Variants in KLF8 observed in about 807,000 individuals in gnomAD.
KLF8 encodes KLF transcription factor 8.
KLF8 carries 10 observed loss-of-function variants against 18.2 expected under a neutral mutation model. That is an observed-to-expected ratio of 0.55 (90% CI 0.34 to 0.93). KLF8 has a LOEUF of 0.93. Among genes scored for constraint, KLF8 ranks in the 40% least tolerant of loss-of-function variants. KLF8 has a pLI of 0.02. For synonymous variants in KLF8, 109 were observed against 97.3 expected (o/e 1.12, Z -0.71); for missense variants, 264 against 277.9 (o/e 0.95, Z 0.36).
At chrX:56,279,961 AT>A (rs769922056) in intron 5 of KLF8, among the ~76,000 whole-genome samples, 5 of 111,570 alleles carry the variant, frequency 4.5e-5, no homozygotes, top group Non-Finnish European at 9.4e-5. Context: ...CCCTCCAAAG[AT>A]TGTGATTCAT....
At chrX:56,147,964 T>A in the KLF8 span, among the ~76,000 whole-genome samples, 1 of 112,035 alleles carries the variant, frequency 8.9e-6, no homozygotes, top group Non-Finnish European at 1.9e-5. Context: ...GGCAACAGAG[T>A]GAGACTCTGT....
At position 56,263,587 on chromosome X, in the gene KLF8, TA is replaced by T. The variant is rs1429357078; in HGVS notation, c.82-1590del. Among the ~76,000 whole-genome samples, 14 of 111,434 alleles carry T rather than the reference TA, an allele frequency of 1.3e-4. 2 individuals carry two copies. In the South Asian group the frequency reaches 4.9e-3, roughly 39 times the overall value. On this transcript the variant is annotated intron_variant, in intron 2 of 5. Coordinates refer to ENST00000468660, the MANE Select transcript of KLF8 (RefSeq NM_007250.5). ...TGCAGCGCTCTGAGGGTTTTTAAAA[TA>T]AAGTCAGAGCAAGAAGACACTGCCT...
Position 56,286,598 on chromosome X carries a change from G to T in KLF8, c.*2104G>T, listed in dbSNP as rs2067270686. 1 of 112,566 alleles carries T rather than the reference G, an allele frequency of 8.9e-6. No homozygotes were observed. The highest frequency in any genetic ancestry group is 3.2e-5 in the African/African-American group (1 of 30,969). 9.3% of individuals were successfully genotyped at this position (112,566 alleles called of 1,213,427 possible). A position where few individuals can be genotyped will look rare whatever the true frequency, so the allele number is the denominator to read the frequency against. ...CAAGTAAAATGTACTTGTGGTCATT[G>T]CCGTATAACATTAGGCACACGCTTC... On this transcript the variant is annotated 3_prime_UTR_variant, in exon 6 of 6. Transcript: ENST00000468660.
the KLF8 span, among the ~76,000 whole-genome samples, chrX:56,079,879 A>G: frequency 1.9e-4 from 21 of 110,976 alleles, no homozygotes; most frequent in Admixed American, 2.9e-4. Context: ...TTCTTGTTGA[A>G]TTGATCTCTT....
the KLF8 span, among the ~76,000 whole-genome samples, chrX:56,042,259 C>G: frequency 1.9e-5 from 2 of 106,317 alleles, no homozygotes; most frequent in Admixed American, 9.6e-5. Flanking sequence ...GATTTCAGTT[C>G]TTTTGCATTT....
In KLF8 at chrX:56,236,848, T is replaced by TTGTGTG. The variant is rs3052510; in HGVS notation, c.7+3534_7+3539dup. 2.0e-3 allele frequency among the ~76,000 whole-genome samples: 189 copies of TTGTGTG among 95,075 alleles called. 2 individuals carry two copies. The Middle Eastern group carries it at 0.043, about 21-fold the overall frequency. The allele number at this position is 95,075 out of a possible 115,157, so 82.6% of individuals were successfully genotyped here. ...AGTGTATATCAAGCAATGAGTATGT[T>TTGTGTG]TGTGTGTGTGTGTGTGTGTGTGTGT... is the stretch of plus-strand genomic sequence containing the variant. On this transcript the variant is annotated intron_variant, in intron 1 of 5. Transcript: ENST00000468660.
At chrX:56,041,475 A>T in the KLF8 span, among the ~76,000 whole-genome samples, 16 of 93,910 alleles carry the variant, frequency 1.7e-4, no homozygotes, top group South Asian at 1.0e-3. Context: ...CAGTCTATCT[A>T]TTTTTTTTTT....
chrX:55,992,095 A>G, the KLF8 span, among the ~76,000 whole-genome samples: 1 of 112,350 alleles, frequency 8.9e-6, no homozygotes, highest in Non-Finnish European at 1.9e-5. Context: ...TTTGCAGAAG[A>G]TGTTTAATTA....
chrX:55,913,017 A>C, the KLF8 span, among the ~76,000 whole-genome samples: 1 of 111,768 alleles, frequency 8.9e-6, no homozygotes. Context: ...CATACTACCT[A>C]ATCTTAAGCT....
chrX:55,987,414 T>G, the KLF8 span, among the ~76,000 whole-genome samples: 3 of 110,363 alleles, frequency 2.7e-5, no homozygotes, highest in Non-Finnish European at 3.8e-5. Flanking sequence ...TGTGTTCTCA[T>G]TGTTCAACTC....
chrX:56,183,118 C>A, the KLF8 span, among the ~76,000 whole-genome samples: 1 of 112,092 alleles, frequency 8.9e-6, no homozygotes, highest in Non-Finnish European at 1.9e-5. Context: ...TGGGCTCCAC[C>A]CTTTTTGAGC....
the KLF8 span, among the ~76,000 whole-genome samples, chrX:56,050,322 T>C: frequency 8.2e-4 from 92 of 112,016 alleles, no homozygotes; most frequent in African/African-American, 2.6e-3. Context: ...TTTGAATGTT[T>C]TTGCTCTTGC....
the KLF8 span, among the ~76,000 whole-genome samples, chrX:56,048,191 C>A: frequency 1.8e-5 from 2 of 111,376 alleles, no homozygotes; most frequent in Non-Finnish European, 3.8e-5. Flanking sequence ...GAGTAGATTG[C>A]AAAAATTTTC....
At chrX:56,170,100 T>C in the KLF8 span, among the ~76,000 whole-genome samples, 1 of 111,217 alleles carries the variant, frequency 9.0e-6, no homozygotes, top group East Asian at 2.8e-4. Context: ...ATGGTACATC[T>C]ATTAGTCTAG....
chrX:55,912,839 A>G, the KLF8 span, among the ~76,000 whole-genome samples: 1 of 111,788 alleles, frequency 8.9e-6, no homozygotes, highest in Non-Finnish European at 1.9e-5. Context: ...CAATGTATAT[A>G]ATGTTCACAG....
At chrX:56,011,718 T>A in the KLF8 span, among the ~76,000 whole-genome samples, 2 of 110,477 alleles carry the variant, frequency 1.8e-5, no homozygotes, top group African/African-American at 6.6e-5. Flanking sequence ...GTTAGACTAA[T>A]AAAGAAGAAA....
the KLF8 span, among the ~76,000 whole-genome samples, chrX:56,216,853 T>C: frequency 1.3e-4 from 14 of 111,349 alleles, no homozygotes; most frequent in African/African-American, 4.2e-4. Flanking sequence ...TGAGGTTCCA[T>C]CTTCCTGTTC....
At chrX:56,033,080 T>C in the KLF8 span, among the ~76,000 whole-genome samples, 23 of 111,541 alleles carry the variant, frequency 2.1e-4, no homozygotes, top group African/African-American at 6.5e-4. Flanking sequence ...TAATGCAGTA[T>C]GATTGAACTA....
At chrX:56,211,457 A>G in the KLF8 span, among the ~76,000 whole-genome samples, 1 of 112,496 alleles carries the variant, frequency 8.9e-6, no homozygotes, top group Non-Finnish European at 1.9e-5. Flanking sequence ...TACCACCACT[A>G]TGAATATACT....
Sources: gnomAD v4.1 joint callset for allele counts (sites outside exome capture counted in the v4.1 genomes callset) on GRCh38, gnomAD v4.1.1 for gene constraint, MANE v1.5 for transcripts, NCBI Gene and HGNC (gene_info 2026-07-23, HGNC 2026-07-21) for gene names.